The following FARP1 variants were observed in gnomAD, a reference collection of about 807,000 sequenced individuals.
The protein encoded by FARP1 is FERM, ARH/RhoGEF and pleckstrin domain protein 1.
A neutral mutation model predicts 128.8 loss-of-function variants in FARP1; 52 were observed. The observed-to-expected ratio is 0.40, with a 90% CI of 0.32 to 0.51. FARP1 has a LOEUF of 0.51. Among genes scored for constraint, FARP1 ranks in the 20% least tolerant of loss-of-function variants. The probability of loss-of-function intolerance (pLI) is 0.45; values close to 1 mark genes in which losing one functional copy is unlikely to be tolerated. For synonymous variants in FARP1, 580 were observed against 551.8 expected (o/e 1.05, Z -0.72); for missense variants, 1,333 against 1,367.9 (o/e 0.97, Z 0.40).
At chr13:98,440,442 G>A (rs1319395286) in intron 23 of FARP1, among the ~76,000 whole-genome samples, 1 of 149,286 alleles carries the variant, frequency 6.7e-6, no homozygotes, top group Non-Finnish European at 1.5e-5. Context: ...TTTCTGGGCC[G>A]GCATTTACCC....
At chr13:98,317,395 C>T (rs1886767425) in intron 2 of FARP1, among the ~76,000 whole-genome samples, 1 of 152,168 alleles carries the variant, frequency 6.6e-6, no homozygotes, top group African/African-American at 2.4e-5. Flanking sequence ...GAGTAGCTGG[C>T]ACAGCCACTT....
At chr13:98,296,194 A>G (rs776416149) in intron 2 of FARP1, among the ~76,000 whole-genome samples, 1 of 152,024 alleles carries the variant, frequency 6.6e-6, no homozygotes, top group Non-Finnish European at 1.5e-5. Flanking sequence ...CAGTTTCCTC[A>G]TCTATAAACT....
At chr13:98,257,417 A>C (rs1490983289) in intron 2 of FARP1, among the ~76,000 whole-genome samples, 1 of 151,900 alleles carries the variant, frequency 6.6e-6, no homozygotes, top group East Asian at 1.9e-4. Context: ...CCTTCTCCTC[A>C]TTCTGTACGC....
At chr13:98,365,508 T>G in intron 4 of FARP1, 71 bp downstream of exon 4, 24 of 1,131,448 alleles carry the variant, frequency 2.1e-5, no homozygotes, top group Non-Finnish European at 2.7e-5. Context: ...TAGACATCTC[T>G]TGCCCTGTGG....
chr13:98,440,441 C>T (rs1165046277), intron 23 of FARP1, among the ~76,000 whole-genome samples: 1 of 149,392 alleles, frequency 6.7e-6, no homozygotes, highest in African/African-American at 2.5e-5. Flanking sequence ...TTTTCTGGGC[C>T]GGCATTTACC....
chr13:98,231,202 C>T (rs1882093117), intron 2 of FARP1, among the ~76,000 whole-genome samples: 1 of 152,010 alleles, frequency 6.6e-6, no homozygotes, highest in Non-Finnish European at 1.5e-5. Context: ...AGCCTGGGTG[C>T]AAGGATAACC....
intron 1 of FARP1, among the ~76,000 whole-genome samples, chr13:98,181,968 GCTAT>G (rs1183250869): frequency 2.0e-5 from 3 of 151,968 alleles, no homozygotes; most frequent in Non-Finnish European, 2.9e-5. Context: ...AGAGATTAGC[GCTAT>G]CTTTTAGAAA....
chr13:98,227,634 A>G (rs1881872116), intron 2 of FARP1, among the ~76,000 whole-genome samples: 1 of 152,182 alleles, frequency 6.6e-6, no homozygotes, highest in Admixed American at 6.5e-5. Context: ...GCATGCCCAG[A>G]TTGAAAGCAG....
rs545087037 is a variant in FARP1, at chr13:98,366,008, G to C, written c.319+571G>C. On this transcript the variant is annotated intron_variant, in intron 4 of 26. Coordinates refer to ENST00000319562, the MANE Select transcript of FARP1 (RefSeq NM_005766.4). ...AAGAAAAGATTAAGGAATGTGTAGG[G>C]GAGGAACAAAGAAAAAGAATGCTTC... Among the ~76,000 whole-genome samples, 19 of 151,976 alleles carry C rather than the reference G, an allele frequency of 1.3e-4. No individual in the cohort carries two copies. The East Asian group carries it at 3.7e-3, about 29-fold the overall frequency.
chr13:98,424,052 G>T (rs1244491910), intron 16 of FARP1, among the ~76,000 whole-genome samples: 5 of 152,106 alleles, frequency 3.3e-5, no homozygotes, highest in Non-Finnish European at 7.4e-5. Context: ...TCCTTTCTCA[G>T]TTATGCATTT....
chr13:98,275,012 C>T (rs2139596509), intron 2 of FARP1, among the ~76,000 whole-genome samples: 1 of 152,296 alleles, frequency 6.6e-6, no homozygotes, highest in South Asian at 2.1e-4. Context: ...CCATGCAATA[C>T]TGTATTCATC....
chr13:98,384,476 A>G, intron 6 of FARP1: 3 of 511,772 alleles, frequency 5.9e-6, no homozygotes, highest in South Asian at 5.3e-5. Flanking sequence ...TACAGGCATG[A>G]GCTACTGTGC....
At chr13:98,411,713 A>G (rs112687427) in intron 15 of FARP1, among the ~76,000 whole-genome samples, 188 bp from the exon 16 acceptor site, 3 of 152,260 alleles carry the variant, frequency 2.0e-5, no homozygotes, top group African/African-American at 7.2e-5. Flanking sequence ...GGTGCTTCTT[A>G]CCCCGTCTAA....
Position 98,410,761 on chromosome 13 carries a change from A to G in FARP1, c.1630A>G (p.Ile544Val), listed in dbSNP as rs1891159729. The change falls in exon 15 of 27, where the codon ATA (isoleucine) becomes GTA (valine). Residue 544 changes from isoleucine to valine, a missense_variant. By Grantham distance (29) the Ile-to-Val change is conservative. Around this residue, in one of 2 missense-constraint regions of FARP1, gnomAD observed 1,009 missense variants for 969.8 expected, o/e 1.04. Transcript: ENST00000319562. ...KRFPTDKAYF[I>V]AKEVSTTERT... ...ATTCCCAACTGATAAAGCGTACTTC[A>G]TAGCTAAGGAAGTGTCTACCACCGA... 1.9e-6 allele frequency: 3 copies of G among 1,604,164 alleles called. No individual in the cohort carries two copies. Among genetic ancestry groups the G allele is most frequent in the South Asian group, 1.1e-5 (1 of 89,920 alleles).
At chr13:98,437,895 G>A in intron 19 of FARP1, 1 of 1,347,698 alleles carries the variant, frequency 7.4e-7, no homozygotes, top group Admixed American at 2.0e-5. Context: ...CCTAAGCTCA[G>A]ATGATCCCCT....
At chr13:98,181,420 G>GT (rs772833339) in intron 1 of FARP1, among the ~76,000 whole-genome samples, 2 of 151,972 alleles carry the variant, frequency 1.3e-5, no homozygotes, top group Non-Finnish European at 2.9e-5. Context: ...TGGCAGCGAT[G>GT]GAGAAGAGCA....
rs78085433 is a variant in FARP1 at position 98,386,759 on chromosome 13, C to G, written c.759+945C>G. 6.8e-3 allele frequency among the ~76,000 whole-genome samples: 1,013 copies of G among 149,048 alleles called. 15 individuals are homozygous for G. Among genetic ancestry groups the G allele is most frequent in the African/African-American group, 0.024 (977 of 41,076 alleles). ...TGTAAATATGTTCAGGACCTAAAAC[C>G]CTTTATTGAGCTCTTCCAGGTTTGC... On this transcript the variant is annotated intron_variant, in intron 8 of 26. Transcript: ENST00000319562.
At chr13:98,425,922 C>T (rs981322670) in intron 17 of FARP1, among the ~76,000 whole-genome samples, 1 of 152,134 alleles carries the variant, frequency 6.6e-6, no homozygotes, top group African/African-American at 2.4e-5. Context: ...TACCTGTACT[C>T]ACATTTTAAA....
chr13:98,335,127 C>T (rs746063432), intron 2 of FARP1, among the ~76,000 whole-genome samples: 54 of 152,250 alleles, frequency 3.5e-4, no homozygotes, highest in Non-Finnish European at 6.6e-4. Context: ...CTCTGACTTT[C>T]TACAGCTTTT....
Sources: allele counts gnomAD v4.1 joint callset (sites outside exome capture counted in the v4.1 genomes callset), GRCh38; gene constraint gnomAD v4.1.1; regional missense constraint gnomAD v4.1.1; transcripts MANE v1.5; gene names NCBI Gene and HGNC (gene_info 2026-07-23, HGNC 2026-07-21).